Variants in SSH1 observed in about 807,000 individuals in gnomAD.
The protein encoded by SSH1 is protein phosphatase Slingshot homolog 1.
In SSH1, 43 loss-of-function variants were observed where a neutral mutation model predicts 79.7. The observed-to-expected ratio is 0.54, with a 90% CI of 0.42 to 0.70. The LOEUF (loss-of-function observed/expected upper bound fraction) is 0.70. Among genes scored for constraint, SSH1 ranks in the 30% least tolerant of loss-of-function variants. SSH1 has a pLI of 0.00. For synonymous variants in SSH1, 599 were observed against 538.3 expected (o/e 1.11, Z -1.56); for missense variants, 1,206 against 1,358.8 (o/e 0.89, Z 1.77).
intron 1 of SSH1, chr12:108,853,484 G>T: frequency 2.9e-6 from 1 of 350,516 alleles, no homozygotes; most frequent in Non-Finnish European, 4.0e-6. Context: ...AACCTGGAAA[G>T]CTGTGATGGC....
At chr12:108,823,412 A>T (rs1244323283) in intron 2 of SSH1, 51 bp from the exon 3 acceptor site, 39 of 1,457,512 alleles carry the variant, frequency 2.7e-5, no homozygotes, top group Non-Finnish European at 3.5e-5. Context: ...AGACAGGAAA[A>T]TGGACAAAGA....
At chr12:108,833,129 GACC>G (rs1050948245) in intron 2 of SSH1, among the ~76,000 whole-genome samples, 9 of 151,478 alleles carry the variant, frequency 5.9e-5, no homozygotes, top group African/African-American at 1.7e-4. Context: ...CAGCTGAACT[GACC>G]AGCGAGCTCG....
rs376835953 is a variant in SSH1, at chr12:108,818,242, T to C, written c.279+7A>G. The C allele has an allele frequency of 1.2e-6, 2 of 1,613,466 alleles. No homozygotes were observed. The highest frequency in any genetic ancestry group is 2.7e-5 in the African/African-American group (2 of 74,918). ...TTTTTTAACTTGACATTCTCACTGC[T>C]TCTTACCAGCTTGATTCTGTCTTCG... On this transcript the variant is annotated splice_region_variant and intron_variant, in intron 4 of 14. Coordinates refer to ENST00000326495, the MANE Select transcript of SSH1 (RefSeq NM_018984.4).
chr12:108,840,737 C>T (rs771583895), intron 2 of SSH1, among the ~76,000 whole-genome samples: 4 of 152,136 alleles, frequency 2.6e-5, no homozygotes, highest in Admixed American at 2.6e-4. Flanking sequence ...TCTAAAGATG[C>T]GAGTACTTTC....
chr12:108,788,368 T>G lies in SSH1; in HGVS notation c.2770A>C (p.Thr924Pro), dbSNP rs796509444. 1 of 1,612,028 alleles carries G rather than the reference T, an allele frequency of 6.2e-7. No homozygotes were observed. Among genetic ancestry groups the G allele is most frequent in the Admixed American group, 1.7e-5 (1 of 59,892 alleles). The change falls in exon 15 of 15, where the codon ACC becomes CCC. Residue 924 changes from threonine (T) to proline (P), a missense_variant. Around this residue, in one of 5 missense-constraint regions of SSH1, gnomAD observed 709 missense variants for 730.6 expected, o/e 0.97. Transcript: ENST00000326495. Reference sequence around the variant, plus strand: ...AGGTTGGAGCTCATGGAAGAGGAGGTGGGGGTGTAGCAGATGGTCTTCAGA... The same window carrying G: ...AGGTTGGAGCTCATGGAAGAGGAGGGGGGGGTGTAGCAGATGGTCTTCAGA... Reference protein sequence around the residue: ...DFLKTICYTPTSSSMSSNLTR... With the variant: ...DFLKTICYTPPSSSMSSNLTR...
intron 2 of SSH1, among the ~76,000 whole-genome samples, chr12:108,823,960 A>G (rs769147): frequency 0.32 from 48,981 of 152,110 alleles, 8,097 homozygotes; most frequent in South Asian, 0.44. Flanking sequence ...GACCACGCCC[A>G]GCCATAACAT....
At chr12:108,800,691 G>A (rs151093216) in intron 12 of SSH1, 89 bp downstream of exon 12, 383 of 1,529,898 alleles carry the variant, frequency 2.5e-4, no homozygotes, top group Middle Eastern at 4.7e-4. Flanking sequence ...CCCACCAGCC[G>A]ACTTCTGCAT....
rs2036275493 is a variant in SSH1 at position 108,786,420 on chromosome 12, C to T, written c.*1568G>A. ...GGTGTCAGAGAGGCAGAGGGCTTCA[C>T]ATTTACCCAGTTTCTTCCTACAGGG... On this transcript the variant is annotated 3_prime_UTR_variant, in exon 15 of 15. Transcript: ENST00000326495. The T allele has an allele frequency of 6.6e-6, 1 of 152,280 alleles. No homozygotes were observed. The highest frequency in any genetic ancestry group is 1.5e-5 in the Non-Finnish European group (1 of 68,112). The allele number at this position is 152,280 out of a possible 1,614,324, so 9.4% of individuals were successfully genotyped here.
intron 4 of SSH1, 98 bp from the exon 5 acceptor site, chr12:108,817,257 TC>T: frequency 3.9e-6 from 6 of 1,545,040 alleles, no homozygotes; most frequent in Non-Finnish European, 5.3e-6. Context: ...GTTCTACCTT[TC>T]CCTCTGGGAG....
At chr12:108,798,965 C>T (rs753301874) in intron 13 of SSH1, 35 bp downstream of exon 13, 12 of 1,604,946 alleles carry the variant, frequency 7.5e-6, no homozygotes, top group Admixed American at 6.7e-5. Context: ...GCTCCAGCTC[C>T]GCCTGCCAAC....
chr12:108,800,324 G>A (rs1365092999), intron 12 of SSH1, among the ~76,000 whole-genome samples: 1 of 152,146 alleles, frequency 6.6e-6, no homozygotes, highest in African/African-American at 2.4e-5. Flanking sequence ...ACTCAGGGAG[G>A]GAAGAAGGGC....
At chr12:108,848,971 A>C (rs1393071176) in intron 2 of SSH1, among the ~76,000 whole-genome samples, 1 of 152,136 alleles carries the variant, frequency 6.6e-6, no homozygotes, top group Non-Finnish European at 1.5e-5. Context: ...AATCCACCCC[A>C]GTGGACTTAG....
rs1453607081 is a variant in SSH1 at position 108,787,622 on chromosome 12, G to A, written c.*366C>T. On this transcript the variant is annotated 3_prime_UTR_variant, in exon 15 of 15. Transcript: ENST00000326495. ...AAGAATGAGCTAGAACGTGTGCCGC[G>A]GTGAGGCTGCCACCACCAGGACTCT... 7.2e-6 allele frequency: 2 copies of A among 278,142 alleles called. No homozygotes were observed. Among genetic ancestry groups the A allele is most frequent in the Non-Finnish European group, 1.4e-5 (2 of 143,616 alleles). The allele number at this position is 278,142 out of a possible 1,614,324, so 17.2% of individuals were successfully genotyped here. A position where few individuals can be genotyped will look rare whatever the true frequency, so the allele number is the denominator to read the frequency against.
intron 10 of SSH1, among the ~76,000 whole-genome samples, 196 bp from the exon 11 acceptor site, chr12:108,802,564 G>A (rs968393545): frequency 1.2e-4 from 18 of 152,158 alleles, no homozygotes; most frequent in African/African-American, 2.7e-4. Context: ...GAGGAAGGGA[G>A]GGAGGGACGG....
intron 2 of SSH1, among the ~76,000 whole-genome samples, chr12:108,844,741 A>C (rs1328012937): frequency 6.6e-6 from 1 of 152,248 alleles, no homozygotes; most frequent in Non-Finnish European, 1.5e-5. Flanking sequence ...ACAATCTGTC[A>C]TAAGACCCTA....
intron 5 of SSH1, among the ~76,000 whole-genome samples, chr12:108,813,124 G>T (rs1239097315): frequency 2.0e-5 from 3 of 151,912 alleles, no homozygotes; most frequent in Non-Finnish European, 4.4e-5. Flanking sequence ...TCTCCACCTG[G>T]GGAGCATACA....
chr12:108,856,662 C>T (rs542161033), intron 1 of SSH1, among the ~76,000 whole-genome samples: 1 of 152,308 alleles, frequency 6.6e-6, no homozygotes, highest in South Asian at 2.1e-4. Context: ...ACTCCAGAGG[C>T]GGCAGGCGGG....
In SSH1 at chr12:108,786,608, A is replaced by G. The variant is rs1289091804; in HGVS notation, c.*1380T>C. ...AAAGGTAAAAGCCATCGCTTGAGCCAGGGAGGTTGATGCTGCAGTGAGTCA... is the reference window on the plus strand; with the variant it reads ...AAAGGTAAAAGCCATCGCTTGAGCCGGGGAGGTTGATGCTGCAGTGAGTCA... On this transcript the variant is annotated 3_prime_UTR_variant, in exon 15 of 15. Coordinates refer to ENST00000326495, the MANE Select transcript of SSH1 (RefSeq NM_018984.4). 1 of 152,196 alleles carries G rather than the reference A, an allele frequency of 6.6e-6. No homozygotes were observed. The highest frequency in any genetic ancestry group is 1.9e-4 in the East Asian group (1 of 5,200). The allele number at this position is 152,196 out of a possible 1,614,324, so 9.4% of individuals were successfully genotyped here. A position where few individuals can be genotyped will look rare whatever the true frequency, so the allele number is the denominator to read the frequency against.
chr12:108,787,190 C>CTCAACA lies in SSH1; in HGVS notation c.*797_*798insTGTTGA, dbSNP rs1467755405. The CTCAACA allele has an allele frequency of 5.3e-5, 8 of 152,302 alleles. No homozygotes were observed. The highest frequency in any genetic ancestry group is 1.9e-4 in the African/African-American group (8 of 41,456). 9.4% of individuals were successfully genotyped at this position (152,302 alleles called of 1,614,324 possible). On this transcript the variant is annotated 3_prime_UTR_variant, in exon 15 of 15. Transcript: ENST00000326495. The stretch of plus-strand genomic sequence containing the variant: ...TTTCAGCAGCAGACACTCAACAATG[C>CTCAACA]AGGTGGGCCCTTCCCCTTGAGATTT...
Sources: allele counts gnomAD v4.1 joint callset (sites outside exome capture counted in the v4.1 genomes callset), GRCh38; gene constraint gnomAD v4.1.1; regional missense constraint gnomAD v4.1.1; transcripts MANE v1.5; gene names NCBI Gene and HGNC (gene_info 2026-07-23, HGNC 2026-07-21).